Variants in RPE observed in about 807,000 individuals in gnomAD.
The protein encoded by RPE is ribulose-5-phosphate-3-epimerase, also known as ribulose-phosphate 3-epimerase.
A neutral mutation model predicts 24.6 loss-of-function variants in RPE; 16 were observed. That is an observed-to-expected ratio of 0.65 (90% confidence interval 0.44 to 0.99). The LOEUF (loss-of-function observed/expected upper bound fraction) is 0.99. RPE is among the 50% of genes least tolerant of loss of function. The probability of loss-of-function intolerance (pLI) is 0.00; values close to 1 mark genes in which losing one functional copy is unlikely to be tolerated. For synonymous variants in RPE, 93 were observed against 98.4 expected (o/e 0.94, Z 0.33); for missense variants, 240 against 294.5 (o/e 0.81, Z 1.35).
chr2:210,017,653 C>T lies in RPE; in HGVS notation c.564+94C>T, dbSNP rs1245313222. 7 of 1,162,692 alleles carry T rather than the reference C, an allele frequency of 6.0e-6. No individual in the cohort carries two copies. In the African/African-American group the frequency reaches 7.8e-5, roughly 13 times the overall value. The allele number at this position is 1,162,692 out of a possible 1,614,324, so 72.0% of individuals were successfully genotyped here. A position where few individuals can be genotyped will look rare whatever the true frequency, so the allele number is the denominator to read the frequency against. On this transcript the variant is annotated intron_variant, in intron 5 of 5. Coordinates refer to ENST00000359429, the MANE Select transcript of RPE (RefSeq NM_199229.3). ...GGGCCAGCGATTCCCTCTGTGGTTC[C>T]TAAGTTGACTTTCTTTCTTGGAAAA... is the stretch of plus-strand genomic sequence containing the variant.
chr2:210,019,306 G>GT (rs1182080441), intron 5 of RPE, among the ~76,000 whole-genome samples: 1 of 152,048 alleles, frequency 6.6e-6, no homozygotes, highest in African/African-American at 2.4e-5. Context: ...GAATAAAAGT[G>GT]TTTTTTTAGT....
intron 5 of RPE, 130 bp from the exon 6 acceptor site, chr2:210,019,539 A>C: frequency 9.1e-7 from 1 of 1,098,148 alleles, no homozygotes; most frequent in Non-Finnish European, 1.3e-6. Flanking sequence ...AAGTCTGCTT[A>C]ATCTCAAAGT....
At chr2:210,008,299 T>G (rs1391836147) in intron 1 of RPE, among the ~76,000 whole-genome samples, 9 of 149,900 alleles carry the variant, frequency 6.0e-5, no homozygotes, top group South Asian at 4.2e-4. Flanking sequence ...TTTGTTTTTT[T>G]TTTTTTTTTT....
chr2:210,021,586 TATTGA>T lies in RPE; in HGVS notation c.*1804_*1808del, dbSNP rs1275826185. On this transcript the variant is annotated 3_prime_UTR_variant, in exon 6 of 6. Transcript: ENST00000359429. The stretch of plus-strand genomic sequence containing the variant: ...AAAACTACAAGCAAAAGTTTGTCAG[TATTGA>T]ATTGAATTTTTTACCCCTTAAAAGG... 6.6e-6 allele frequency: 1 copy of T among 152,670 alleles called. No individual in the cohort carries two copies. Among genetic ancestry groups the T allele is most frequent in the East Asian group, 1.9e-4 (1 of 5,190 alleles). 9.5% of individuals were successfully genotyped at this position (152,670 alleles called of 1,614,324 possible).
At chr2:210,005,554 G>T (rs766059550) in intron 1 of RPE, among the ~76,000 whole-genome samples, 1 of 151,876 alleles carries the variant, frequency 6.6e-6, no homozygotes, top group Non-Finnish European at 1.5e-5. Flanking sequence ...ACAGAGCAAA[G>T]AATTAATTTC....
intron 1 of RPE, among the ~76,000 whole-genome samples, chr2:210,004,878 CA>C (rs1559473775): frequency 1.3e-5 from 2 of 151,968 alleles, no homozygotes; most frequent in African/African-American, 4.8e-5. Flanking sequence ...GTTTTGGGAA[CA>C]AAAAAATAAA....
intron 1 of RPE, among the ~76,000 whole-genome samples, chr2:210,005,138 G>A (rs1218582060): frequency 2.6e-5 from 4 of 152,164 alleles, no homozygotes; most frequent in Admixed American, 1.3e-4. Context: ...GTGCCCCTAC[G>A]TGATGTGCTG....
At chr2:210,017,949 TG>T (rs1460428310) in intron 5 of RPE, 2 of 569,914 alleles carry the variant, frequency 3.5e-6, no homozygotes, top group African/African-American at 3.8e-5. Flanking sequence ...TTCACTATGT[TG>T]GCCAGGCTGG....
chr2:210,019,654 G>GT lies in RPE; in HGVS notation c.565-12dup. The GT allele has an allele frequency of 6.2e-7, 1 of 1,611,446 alleles. No homozygotes were observed. The highest frequency in any genetic ancestry group is 8.5e-7 in the Non-Finnish European group (1 of 1,178,456). On this transcript the variant is annotated splice_polypyrimidine_tract_variant and intron_variant, in intron 5 of 5. Transcript: ENST00000359429. ...TTTTCCTTTGAGGCATAACCTAACT[G>GT]TTTACTTCTTCCAGGCAGGAGCTAA... is the stretch of plus-strand genomic sequence containing the variant.
chr2:210,016,709 A>G (rs1461657558), intron 4 of RPE, 68 bp downstream of exon 4: 3 of 1,603,838 alleles, frequency 1.9e-6, no homozygotes, highest in South Asian at 2.2e-5. Flanking sequence ...ATTTATTGAA[A>G]GGCTTGTATA....
chr2:210,008,984 C>T (rs995589002), intron 1 of RPE, among the ~76,000 whole-genome samples: 2 of 152,238 alleles, frequency 1.3e-5, no homozygotes, highest in Non-Finnish European at 2.9e-5. Flanking sequence ...GCGTGAGCCA[C>T]TGTGCCTGGC....
chr2:210,010,168 G>A (rs1224739847), intron 2 of RPE, among the ~76,000 whole-genome samples: 1 of 152,196 alleles, frequency 6.6e-6, no homozygotes, highest in Non-Finnish European at 1.5e-5. Flanking sequence ...GCATAGACAT[G>A]ATCAGGGCTC....
intron 3 of RPE, 146 bp downstream of exon 3, chr2:210,016,258 G>A (rs200352925): frequency 2.5e-5 from 41 of 1,613,796 alleles, no homozygotes; most frequent in Middle Eastern, 1.6e-4. Context: ...CCCATTGCAG[G>A]TAAAGAATAC....
At chr2:210,012,887 G>A (rs2125073779) in intron 2 of RPE, among the ~76,000 whole-genome samples, 1 of 152,294 alleles carries the variant, frequency 6.6e-6, no homozygotes, top group East Asian at 1.9e-4. Context: ...AATGAAATCT[G>A]TCACTATTTG....
intron 4 of RPE, 94 bp from the exon 5 acceptor site, chr2:210,017,379 T>C: frequency 1.1e-6 from 1 of 935,106 alleles, no homozygotes. Flanking sequence ...TGCTAATATT[T>C]GCTGTTGGAT....
At chr2:210,002,806 G>A in intron 1 of RPE, 23 bp downstream of exon 1, 1 of 1,614,100 alleles carries the variant, frequency 6.2e-7, no homozygotes, top group Non-Finnish European at 8.5e-7. Flanking sequence ...GGCTCCGGTC[G>A]GGCTTGCCGC....
intron 2 of RPE, among the ~76,000 whole-genome samples, chr2:210,010,357 G>A (rs752943649): frequency 6.6e-6 from 1 of 152,160 alleles, no homozygotes; most frequent in African/African-American, 2.4e-5. Flanking sequence ...TGTTAAGTTA[G>A]CAATGTCTCA....
intron 1 of RPE, chr2:210,003,508 T>C (rs1008439912): frequency 4.9e-6 from 6 of 1,215,722 alleles, no homozygotes; most frequent in South Asian, 2.5e-5. Flanking sequence ...GCACATAATA[T>C]TGTTTGGAGT....
intron 2 of RPE, among the ~76,000 whole-genome samples, chr2:210,012,383 CA>C (rs555443266): frequency 6.6e-6 from 1 of 152,212 alleles, no homozygotes; most frequent in Non-Finnish European, 1.5e-5. Flanking sequence ...GGGACTGTAT[CA>C]GGAGTTATTC....
Sources: gnomAD v4.1 joint callset for allele counts (sites outside exome capture counted in the v4.1 genomes callset) on GRCh38, gnomAD v4.1.1 for gene constraint, MANE v1.5 for transcripts, NCBI Gene and HGNC (gene_info 2026-07-23, HGNC 2026-07-21) for gene names.